Variants in PCDHGA5 observed in about 807,000 individuals in gnomAD.
The protein encoded by PCDHGA5 is protocadherin gamma subfamily A, 5, also known as protocadherin gamma-A5.
A neutral mutation model predicts 56.7 loss-of-function variants in PCDHGA5; 36 were observed. The ratio of observed to expected loss-of-function variants is 0.64; its 90% CI spans 0.49 to 0.84. The LOEUF (loss-of-function observed/expected upper bound fraction) is 0.84, where lower values mean the gene tolerates loss of function less well. Among genes scored for constraint, PCDHGA5 ranks in the 40% least tolerant of loss-of-function variants. PCDHGA5 has a pLI of 0.00. For synonymous variants in PCDHGA5, 563 were observed against 520.2 expected, an observed-to-expected ratio of 1.08 and a Z score of -1.12; for missense variants, 1,305 against 1,201.5, an observed-to-expected ratio of 1.09 and a Z score of -1.27.
At position 141,512,133 on chromosome 5, in the gene PCDHGA5, G is replaced by C. The variant is rs1394116556; in HGVS notation, c.*960G>C. 1 of 152,708 alleles carries C rather than the reference G, an allele frequency of 6.5e-6. No homozygotes were observed. Among genetic ancestry groups the C allele is most frequent in the Non-Finnish European group, 1.5e-5 (1 of 68,102 alleles). The allele number at this position is 152,708 out of a possible 1,614,324, so 9.5% of individuals were successfully genotyped here. On this transcript the variant is annotated 3_prime_UTR_variant, in exon 4 of 4. Transcript: ENST00000518069. ...CCACTACATAATAGGGCTCAGCCCA[G>C]GCAGCCAGCTTTGGGCTGAGCTAAC...
At chr5:141,421,320 G>T (rs1561793188) in intron 1 of PCDHGA5, 2 of 1,613,786 alleles carry the variant, frequency 1.2e-6, no homozygotes, top group Non-Finnish European at 1.7e-6. Flanking sequence ...GGGCCAGGCA[G>T]ATCCGATATT....
chr5:141,508,599 G>T lies in PCDHGA5; in HGVS notation c.2570-2348G>T, dbSNP rs948748985. On this transcript the variant is annotated intron_variant, in intron 3 of 3. Coordinates refer to ENST00000518069, the MANE Select transcript of PCDHGA5 (RefSeq NM_018918.3). ...CTCGGGGTGCTACTCAGAGATCTTGGGTGCACATAGGACGTGGGTGGGCCG... is the reference window on the plus strand; with the variant it reads ...CTCGGGGTGCTACTCAGAGATCTTGTGTGCACATAGGACGTGGGTGGGCCG... Among the ~76,000 whole-genome samples the T allele has an allele frequency of 3.9e-5, 6 of 152,212 alleles. No individual in the cohort carries two copies. The South Asian group carries it at 1.2e-3, about 32-fold the overall frequency.
In PCDHGA5 at chr5:141,476,087, C is replaced by T. The variant is rs758610836; in HGVS notation, c.2422-18720C>T. The stretch of plus-strand genomic sequence containing the variant: ...AGCGAAATCTCAGGGACGATCTGGA[C>T]CCCGCTGAGAGGAACTGCTTTTGAG... On this transcript the variant is annotated intron_variant, in intron 1 of 3. Coordinates refer to ENST00000518069, the MANE Select transcript of PCDHGA5 (RefSeq NM_018918.3). This position sits in a 1 kb window ranked among gnomAD's most constrained non-coding sequence, Gnocchi z 7.6. 9 of 1,553,656 alleles carry T rather than the reference C, an allele frequency of 5.8e-6. No individual in the cohort carries two copies. The South Asian group carries it at 1.1e-4, about 19-fold the overall frequency.
In PCDHGA5 at chr5:141,382,874, G is replaced by T. The variant is rs369372304; in HGVS notation, c.2421+16123G>T. On this transcript the variant is annotated intron_variant, in intron 1 of 3. Coordinates refer to ENST00000518069, the MANE Select transcript of PCDHGA5 (RefSeq NM_018918.3). ...TTCTGAAGCACTTCCCGAGATCGGC[G>T]CCTAAGCAAGAGAAGCAGGACGACT... 2.9e-4 allele frequency: 441 copies of T among 1,522,954 alleles called. 1 individual carries two copies. The highest frequency in any genetic ancestry group is 3.8e-4 in the Non-Finnish European group (430 of 1,137,240). 94.3% of individuals were successfully genotyped at this position (1,522,954 alleles called of 1,614,324 possible).
chr5:141,499,582 T>C (rs952280239), intron 2 of PCDHGA5, among the ~76,000 whole-genome samples: 7 of 152,164 alleles, frequency 4.6e-5, no homozygotes, highest in African/African-American at 7.2e-5. Flanking sequence ...TAATGCCTTA[T>C]CTTGTTTCAC....
intron 1 of PCDHGA5, chr5:141,403,391 G>A: frequency 1.2e-6 from 2 of 1,614,046 alleles, no homozygotes; most frequent in Non-Finnish European, 1.7e-6. Flanking sequence ...CGAAATCGCG[G>A]TTCCTGGAGC....
In PCDHGA5 at chr5:141,365,857, T is replaced by C; in HGVS notation, c.1527T>C (p.Ser509=). ...TGTCCTCCTATGTATCCATTAACTC[T>C]GACACCGGTGTCCTGTATGCTCTGA... is the stretch of plus-strand genomic sequence containing the variant. ...APLSSYVSIN[S]DTGVLYALRS... is the part of the protein sequence containing the mutation. The change falls in exon 1 of 4, where the codon TCT becomes TCC. Residue 509 remains serine, a synonymous_variant. Coordinates refer to ENST00000518069, the MANE Select transcript of PCDHGA5 (RefSeq NM_018918.3). The C allele has an allele frequency of 1.2e-6, 2 of 1,614,066 alleles. No individual in the cohort carries two copies. The highest frequency in any genetic ancestry group is 1.7e-6 in the Non-Finnish European group (2 of 1,179,910).
At chr5:141,425,248 G>GGCTGGGAAA (rs2096864506) in intron 1 of PCDHGA5, among the ~76,000 whole-genome samples, 1 of 152,178 alleles carries the variant, frequency 6.6e-6, no homozygotes, top group Non-Finnish European at 1.5e-5. Context: ...AAAAGGATAT[G>GGCTGGGAAA]AGGTATTTGG....
chr5:141,485,067 C>G lies in PCDHGA5; in HGVS notation c.2422-9740C>G, dbSNP rs944494894. On this transcript the variant is annotated intron_variant, in intron 1 of 3. Transcript: ENST00000518069. This position sits in a 1 kb window ranked among gnomAD's most constrained non-coding sequence, Gnocchi z 5.7. Reference sequence around the variant, plus strand: ...CGGCGCCGGCCGAACCGCGCCAGAGCTGGCGCGGGGAAAGGGAGATAGGTG... The same window carrying G: ...CGGCGCCGGCCGAACCGCGCCAGAGGTGGCGCGGGGAAAGGGAGATAGGTG... 21 of 894,418 alleles carry G rather than the reference C, an allele frequency of 2.3e-5. No individual in the cohort carries two copies. The highest frequency in any genetic ancestry group is 1.8e-4 in the Admixed American group (8 of 43,320). 55.4% of individuals were successfully genotyped at this position (894,418 alleles called of 1,614,324 possible). A position where few individuals can be genotyped will look rare whatever the true frequency, so the allele number is the denominator to read the frequency against.
intron 1 of PCDHGA5, among the ~76,000 whole-genome samples, chr5:141,456,707 G>A (rs1198079338): frequency 6.6e-6 from 1 of 152,208 alleles, no homozygotes; most frequent in African/African-American, 2.4e-5. Context: ...GCTCGCGCCT[G>A]TAATCCCAGC....
At chr5:141,408,280 C>A in intron 1 of PCDHGA5, 4 of 1,612,648 alleles carry the variant, frequency 2.5e-6, no homozygotes, top group Non-Finnish European at 3.4e-6. Context: ...CTTTGTTCTA[C>A]CCCACCCTGA....
At chr5:141,404,877 T>C in intron 1 of PCDHGA5, 1 of 1,613,856 alleles carries the variant, frequency 6.2e-7, no homozygotes, top group East Asian at 2.2e-5. Flanking sequence ...AAACAGAGCC[T>C]TGTGGTGGCT....
chr5:141,413,075 AG>A (rs1225722826), intron 1 of PCDHGA5: 11 of 1,246,492 alleles, frequency 8.8e-6, no homozygotes, highest in Non-Finnish European at 1.1e-5. Context: ...TAAAGTGCCC[AG>A]GCTACAGAGA....
chr5:141,395,391 A>G, intron 1 of PCDHGA5: 2 of 944,730 alleles, frequency 2.1e-6, no homozygotes, highest in Non-Finnish European at 3.1e-6. Flanking sequence ...ATAAAATTGA[A>G]CTCTAATAGT....
chr5:141,393,745 A>T, intron 1 of PCDHGA5: 1 of 1,613,898 alleles, frequency 6.2e-7, no homozygotes. Context: ...GATTATGAAG[A>T]ATGTTCATTT....
At chr5:141,376,106 C>A (rs747782630) in intron 1 of PCDHGA5, 2 of 1,613,796 alleles carry the variant, frequency 1.2e-6, no homozygotes, top group East Asian at 4.5e-5. Context: ...CCTGGCCGAC[C>A]TGGGCAGCCT....
chr5:141,376,015 G>A, intron 1 of PCDHGA5: 7 of 1,613,364 alleles, frequency 4.3e-6, no homozygotes, highest in Non-Finnish European at 5.9e-6. Context: ...GCCTAGTGGT[G>A]GCCGTCCAGG....
chr5:141,389,234 C>A, intron 1 of PCDHGA5: 2 of 1,614,076 alleles, frequency 1.2e-6, no homozygotes, highest in Non-Finnish European at 1.7e-6. Context: ...CTCCGGTTTT[C>A]TCACAGTCTT....
At chr5:141,371,899 C>A in intron 1 of PCDHGA5, 1 of 1,613,414 alleles carries the variant, frequency 6.2e-7, no homozygotes, top group Non-Finnish European at 8.5e-7. Flanking sequence ...CGGGAGCTGT[C>A]GTCCTACGTG....
Sources: gnomAD v4.1 joint callset for allele counts (sites outside exome capture counted in the v4.1 genomes callset) on GRCh38, gnomAD v4.1.1 for gene constraint, Gnocchi (gnomAD v3.1) non-coding constraint, MANE v1.5 for transcripts, NCBI Gene and HGNC (gene_info 2026-07-23, HGNC 2026-07-21) for gene names.